The following DOCK3 variants were observed in gnomAD, a reference collection of about 807,000 sequenced individuals.
DOCK3 encodes dedicator of cytokinesis 3, also known as dedicator of cytokinesis protein 3.
DOCK3 carries 60 observed loss-of-function variants against 265.6 expected under a neutral mutation model. That is an observed-to-expected ratio of 0.23 (90% confidence interval 0.18 to 0.28). The LOEUF is 0.28. DOCK3 is among the 10% of genes least tolerant of loss of function. DOCK3 has a pLI of 1.00. For synonymous variants in DOCK3, 881 were observed against 938.0 expected, an observed-to-expected ratio of 0.94 and a Z score of 1.11; for missense variants, 1,981 against 2,594.3, an observed-to-expected ratio of 0.76 and a Z score of 5.14.
chr3:51,178,858 G>T (rs2087121659), intron 12 of DOCK3, among the ~76,000 whole-genome samples: 2 of 152,200 alleles, frequency 1.3e-5, no homozygotes, highest in African/African-American at 4.8e-5. Context: ...TTTGGATAAA[G>T]TTGATGTAAC....
At chr3:50,995,341 T>TA in intron 5 of DOCK3, among the ~76,000 whole-genome samples, 1 of 152,362 alleles carries the variant, frequency 6.6e-6, no homozygotes, top group African/African-American at 2.4e-5. Context: ...CAGTGCCACT[T>TA]ACAAAGTCTA....
chr3:51,330,235 CAG>C lies in DOCK3; in HGVS notation c.3488+13_3488+14del. 6.3e-7 allele frequency: 1 copy of C among 1,580,130 alleles called. No individual in the cohort carries two copies. The highest frequency in any genetic ancestry group is 1.3e-5 in the African/African-American group (1 of 74,410). On this transcript the variant is annotated intron_variant, in intron 33 of 52. Transcript: ENST00000266037. The stretch of plus-strand genomic sequence containing the variant: ...CTCTTCAGCCTACTGTAAGCTGCTC[CAG>C]CCCCAGGCACACCACACTGGGGGAT...
chr3:51,298,162 T>C (rs1315122154), intron 27 of DOCK3, among the ~76,000 whole-genome samples: 1 of 152,218 alleles, frequency 6.6e-6, no homozygotes, highest in African/African-American at 2.4e-5. Context: ...TATTTCTTCA[T>C]GAATGAACTT....
chr3:51,097,018 GC>G (rs2082884996), intron 9 of DOCK3, among the ~76,000 whole-genome samples: 1 of 152,228 alleles, frequency 6.6e-6, no homozygotes, highest in Non-Finnish European at 1.5e-5. Context: ...GCCAGCCAGA[GC>G]TCTCCTGTAT....
intron 3 of DOCK3, among the ~76,000 whole-genome samples, chr3:50,880,055 C>T (rs2107648391): frequency 6.6e-6 from 1 of 152,292 alleles, no homozygotes; most frequent in Middle Eastern, 3.4e-3. Flanking sequence ...AAAGTGAAGG[C>T]AGAAATAAAG....
chr3:50,718,403 G>A (rs1378093008), intron 1 of DOCK3, among the ~76,000 whole-genome samples: 1 of 152,096 alleles, frequency 6.6e-6, no homozygotes, highest in Non-Finnish European at 1.5e-5. Context: ...CTTTCCTTCA[G>A]TGTCTTTAAA....
intron 4 of DOCK3, among the ~76,000 whole-genome samples, chr3:50,920,665 G>T (rs1033782440): frequency 2.0e-5 from 3 of 152,032 alleles, no homozygotes; most frequent in Non-Finnish European, 2.9e-5. Context: ...CTTGCTAACG[G>T]TCTGTCAATT....
chr3:51,075,688 C>A (rs1460047781), intron 7 of DOCK3, among the ~76,000 whole-genome samples: 1 of 152,098 alleles, frequency 6.6e-6, no homozygotes, highest in African/African-American at 2.4e-5. Context: ...TCTTGGTGAA[C>A]CAGAGCTCCT....
intron 3 of DOCK3, among the ~76,000 whole-genome samples, chr3:50,864,647 G>T (rs993098728): frequency 6.6e-6 from 1 of 151,742 alleles, no homozygotes; most frequent in Non-Finnish European, 1.5e-5. Flanking sequence ...GATCTAGTTT[G>T]GTTCTTCTGC....
At chr3:51,059,699 G>T (rs1362270065) in intron 5 of DOCK3, among the ~76,000 whole-genome samples, 3 of 152,018 alleles carry the variant, frequency 2.0e-5, no homozygotes, top group Non-Finnish European at 2.9e-5. Flanking sequence ...GAATAAAGCA[G>T]TCAGAGGAAA....
intron 1 of DOCK3, among the ~76,000 whole-genome samples, chr3:50,688,319 G>A (rs1333582860): frequency 2.0e-5 from 3 of 152,038 alleles, no homozygotes; most frequent in Non-Finnish European, 4.4e-5. Flanking sequence ...AGGGTGCTTG[G>A]TCTCCATGTG....
intron 5 of DOCK3, among the ~76,000 whole-genome samples, chr3:51,012,337 C>A (rs1174527857): frequency 1.3e-5 from 2 of 152,184 alleles, no homozygotes; most frequent in African/African-American, 2.4e-5. Flanking sequence ...CCTACTCAAG[C>A]CTCAGCAATG....
intron 2 of DOCK3, 60 bp from the exon 3 acceptor site, chr3:50,841,615 A>G: frequency 2.7e-6 from 2 of 735,960 alleles, no homozygotes; most frequent in Non-Finnish European, 2.1e-6. Flanking sequence ...AAAAAATACT[A>G]TTGTGTCTCT....
chr3:50,832,446 T>C (rs1435031095), intron 2 of DOCK3, among the ~76,000 whole-genome samples: 1 of 151,990 alleles, frequency 6.6e-6, no homozygotes, highest in Non-Finnish European at 1.5e-5. Context: ...TAGGAGAAAA[T>C]TTTTGCAATC....
At chr3:51,104,869 G>A (rs191711450) in intron 9 of DOCK3, among the ~76,000 whole-genome samples, 78 of 152,236 alleles carry the variant, frequency 5.1e-4, no homozygotes, top group African/African-American at 1.7e-3. Context: ...GCTCATTGCA[G>A]CGTTAACCTC....
chr3:50,740,875 A>T (rs1251165783), intron 1 of DOCK3, among the ~76,000 whole-genome samples: 5 of 152,252 alleles, frequency 3.3e-5, no homozygotes, highest in Middle Eastern at 3.4e-3. Context: ...TTTTAAATGT[A>T]TAATTCGGTG....
At chr3:50,806,160 C>T (rs557163055) in intron 2 of DOCK3, among the ~76,000 whole-genome samples, 2 of 152,102 alleles carry the variant, frequency 1.3e-5, no homozygotes, top group South Asian at 4.2e-4. Flanking sequence ...TGTGGAAATA[C>T]AACTGCCCAG....
chr3:50,731,903 T>C (rs754501985), intron 1 of DOCK3, among the ~76,000 whole-genome samples: 7 of 152,096 alleles, frequency 4.6e-5, no homozygotes, highest in Non-Finnish European at 1.0e-4. Flanking sequence ...AACATAAATA[T>C]TGGAATTAAA....
intron 5 of DOCK3, among the ~76,000 whole-genome samples, chr3:50,950,298 A>G (rs1044169280): frequency 2.0e-5 from 3 of 152,034 alleles, no homozygotes; most frequent in Admixed American, 1.3e-4. Context: ...GCTTTTGTTC[A>G]CTTGTTTTAG....
Sources: gnomAD v4.1 joint callset for allele counts (sites outside exome capture counted in the v4.1 genomes callset) on GRCh38, gnomAD v4.1.1 for gene constraint, MANE v1.5 for transcripts, NCBI Gene and HGNC (gene_info 2026-07-23, HGNC 2026-07-21) for gene names.